The following CD226 variants were observed in gnomAD, a reference collection of about 807,000 sequenced individuals.
CD226 encodes CD226 molecule, also known as CD226 antigen.
Under a neutral mutation model 34.9 loss-of-function variants are expected in CD226, and 24 were observed. The ratio of observed to expected loss-of-function variants is 0.69; its 90% CI spans 0.50 to 0.97. The LOEUF is 0.97. Ranked by LOEUF, CD226 falls within the 50% of genes least tolerant of loss-of-function variation. The pLI, the probability that CD226 is intolerant of heterozygous loss-of-function variation, is 0.00. For missense variants in CD226, 397 were observed against 412.7 expected, an observed-to-expected ratio of 0.96 and a Z score of 0.33; for synonymous variants, 148 against 147.4, an observed-to-expected ratio of 1.00 and a Z score of -0.03.
At chr18:69,910,228 C>G (rs2055307445) in intron 2 of CD226, among the ~76,000 whole-genome samples, 1 of 152,154 alleles carries the variant, frequency 6.6e-6, no homozygotes, top group Non-Finnish European at 1.5e-5. Context: ...AGACTTGCGT[C>G]CAAAGACTAG....
Position 69,864,277 on chromosome 18 carries a change from AAG to A in CD226, c.*35_*36del, listed in dbSNP as rs1281664116. On this transcript the variant is annotated 3_prime_UTR_variant, in exon 6 of 6. Transcript: ENST00000582621. ...CATAAAGATCCATGCATGAGTACAT[AAG>A]AGTCATTACTAATGCACTCATGTCA... 1 of 1,607,574 alleles carries A rather than the reference AAG, an allele frequency of 6.2e-7. No individual in the cohort carries two copies. The highest frequency in any genetic ancestry group is 1.7e-5 in the Admixed American group (1 of 59,986).
Position 69,896,060 on chromosome 18 carries a change from C to G in CD226, c.383-15G>C, listed in dbSNP as rs1352815414. On this transcript the variant is annotated splice_polypyrimidine_tract_variant and intron_variant, in intron 2 of 5. Coordinates refer to ENST00000582621, the MANE Select transcript of CD226 (RefSeq NM_001303618.2). ...CTCAAAACTATCTGAAAAGAAGAAGCAAATGATTAGATACAGGTTGTCAAA... is the reference window on the plus strand; with the variant it reads ...CTCAAAACTATCTGAAAAGAAGAAGGAAATGATTAGATACAGGTTGTCAAA... 1 of 1,597,162 alleles carries G rather than the reference C, an allele frequency of 6.3e-7. No individual in the cohort carries two copies. The highest frequency in any genetic ancestry group is 1.3e-5 in the African/African-American group (1 of 74,716).
At chr18:69,946,264 G>A (rs1273239504) in intron 2 of CD226, among the ~76,000 whole-genome samples, 2 of 149,062 alleles carry the variant, frequency 1.3e-5, no homozygotes, top group African/African-American at 2.5e-5. Flanking sequence ...GAAAGAGAGA[G>A]AGAGAAAGAA....
intron 2 of CD226, among the ~76,000 whole-genome samples, chr18:69,917,335 C>T (rs1013720771): frequency 6.6e-5 from 10 of 152,310 alleles, no homozygotes; most frequent in African/African-American, 2.4e-4. Context: ...TCCTCCAACT[C>T]ACCACATACA....
At chr18:69,872,984 C>A (rs1218936709) in intron 4 of CD226, among the ~76,000 whole-genome samples, 160 bp downstream of exon 4, 11 of 152,164 alleles carry the variant, frequency 7.2e-5, no homozygotes, top group Non-Finnish European at 1.6e-4. Flanking sequence ...TATTCCAGCT[C>A]TCCCTGTAAC....
At chr18:69,869,162 C>T (rs1238045498) in intron 4 of CD226, among the ~76,000 whole-genome samples, 1 of 152,028 alleles carries the variant, frequency 6.6e-6, no homozygotes, top group Non-Finnish European at 1.5e-5. Context: ...GGGTATATGC[C>T]CAAAGGAATA....
At chr18:69,893,031 C>T (rs536123549) in intron 3 of CD226, among the ~76,000 whole-genome samples, 2 of 152,252 alleles carry the variant, frequency 1.3e-5, no homozygotes, top group Admixed American at 6.5e-5. Context: ...TCAAATTGCA[C>T]CAGAGAAAAC....
rs565832204 is a variant in CD226, at chr18:69,856,477, G to A, written c.*7837C>T. On this transcript the variant is annotated 3_prime_UTR_variant, in exon 6 of 6. Transcript: ENST00000582621. ...CAGTTTAATCTAATGGACATTTGTA[G>A]AATATTACACTCAACAGCAGAATGA... 1.3e-5 allele frequency: 2 copies of A among 152,180 alleles called. No individual in the cohort carries two copies. The highest frequency in any genetic ancestry group is 4.2e-4 in the South Asian group (2 of 4,812). 9.4% of individuals were successfully genotyped at this position (152,180 alleles called of 1,614,324 possible). A position where few individuals can be genotyped will look rare whatever the true frequency, so the allele number is the denominator to read the frequency against.
intron 3 of CD226, among the ~76,000 whole-genome samples, chr18:69,879,805 C>A (rs182201842): frequency 6.6e-6 from 1 of 152,316 alleles, no homozygotes; most frequent in East Asian, 1.9e-4. Context: ...ATGGCTTCAG[C>A]CAGTCCCTCC....
chr18:69,901,708 T>C (rs1454498546), intron 2 of CD226, among the ~76,000 whole-genome samples: 1 of 151,840 alleles, frequency 6.6e-6, no homozygotes, highest in Non-Finnish European at 1.5e-5. Flanking sequence ...TGAAACCCCG[T>C]CTCTACTAAA....
intron 3 of CD226, among the ~76,000 whole-genome samples, chr18:69,887,321 A>G (rs1984615813): frequency 1.1e-5 from 1 of 89,358 alleles, no homozygotes; most frequent in African/African-American, 3.4e-5. Context: ...ACACCTACAC[A>G]TACACACACA....
rs370748382 is a variant in CD226 at position 69,925,447 on chromosome 18, CT to C, written c.382+21286del. On this transcript the variant is annotated intron_variant, in intron 2 of 5. Coordinates refer to ENST00000582621, the MANE Select transcript of CD226 (RefSeq NM_001303618.2). ...AAAAACTCGTTTAGATTTTCAAGCTCTTTTTTTTTTCCACTTTCTATTCACA... is the reference window on the plus strand; with the variant it reads ...AAAAACTCGTTTAGATTTTCAAGCTCTTTTTTTTTCCACTTTCTATTCACA... Among the ~76,000 whole-genome samples, 45 of 150,136 alleles carry C rather than the reference CT, an allele frequency of 3.0e-4. No individual in the cohort carries two copies. In the East Asian group the frequency reaches 4.5e-3, roughly 15 times the overall value.
intron 3 of CD226, among the ~76,000 whole-genome samples, chr18:69,883,024 T>G (rs568137986): frequency 6.6e-6 from 1 of 152,338 alleles, no homozygotes; most frequent in Admixed American, 6.5e-5. Flanking sequence ...AGACTGTTTC[T>G]GTTTAGCTTT....
upstream of CD226, among the ~76,000 whole-genome samples, chr18:69,951,285 T>C (rs1017999332): frequency 5.3e-5 from 8 of 152,104 alleles, no homozygotes; most frequent in Middle Eastern, 3.4e-3. Flanking sequence ...GCCTGAAAAC[T>C]ATGATTGATT....
At chr18:69,912,462 T>C (rs1343005223) in intron 2 of CD226, among the ~76,000 whole-genome samples, 1 of 152,184 alleles carries the variant, frequency 6.6e-6, no homozygotes, top group African/African-American at 2.4e-5. Flanking sequence ...CCACATATCT[T>C]TTCCTTCCTG....
chr18:69,939,983 A>G (rs745683852), intron 2 of CD226, among the ~76,000 whole-genome samples: 5 of 152,222 alleles, frequency 3.3e-5, no homozygotes, highest in Admixed American at 6.5e-5. Context: ...CTTGAGTTGT[A>G]GTTCCCATAA....
intron 2 of CD226, among the ~76,000 whole-genome samples, chr18:69,920,143 T>C (rs958389897): frequency 6.6e-6 from 1 of 152,142 alleles, no homozygotes; most frequent in Non-Finnish European, 1.5e-5. Context: ...GGATTACAGG[T>C]GTGAGCCACC....
intron 2 of CD226, among the ~76,000 whole-genome samples, chr18:69,942,098 G>A (rs952454964): frequency 2.4e-4 from 37 of 152,216 alleles, no homozygotes; most frequent in African/African-American, 7.9e-4. Context: ...ATGATTGTAC[G>A]TTTCCTGAGG....
At chr18:69,955,802 G>A (rs2055892047) in intron 1 of CD226, among the ~76,000 whole-genome samples, 1 of 146,880 alleles carries the variant, frequency 6.8e-6, no homozygotes, top group African/African-American at 2.6e-5. Context: ...GGCAGAGCTT[G>A]CAGTGAGCCG....
Sources: allele counts gnomAD v4.1 joint callset (sites outside exome capture counted in the v4.1 genomes callset), GRCh38; gene constraint gnomAD v4.1.1; transcripts MANE v1.5; gene names NCBI Gene and HGNC (gene_info 2026-07-23, HGNC 2026-07-21).